TP63: variants seen among roughly 807,000 people sequenced by gnomAD.
TP63 encodes the protein tumor protein 63.
A neutral mutation model predicts 82.8 loss-of-function variants in TP63; 17 were observed. That is an observed-to-expected ratio of 0.21 (90% CI 0.14 to 0.31). The LOEUF is 0.31. Among genes scored for constraint, TP63 ranks in the 10% least tolerant of loss-of-function variants. TP63 has a pLI of 1.00. For synonymous variants in TP63, 330 were observed against 321.7 expected (o/e 1.03, Z -0.28); for missense variants, 648 against 895.3 (o/e 0.72, Z 3.52).
At chr3:189,610,776 G>A in the TP63 span, among the ~76,000 whole-genome samples, 1 of 152,084 alleles carries the variant, frequency 6.6e-6, no homozygotes, top group Non-Finnish European at 1.5e-5. Context: ...TTTTCATGCT[G>A]CTGATAAAGA....
chr3:189,806,774 G>A (rs1726961060), intron 3 of TP63, among the ~76,000 whole-genome samples: 1 of 152,144 alleles, frequency 6.6e-6, no homozygotes, highest in African/African-American at 2.4e-5. Flanking sequence ...TTCGGCAGTG[G>A]AATGCGAATG....
intron 3 of TP63, among the ~76,000 whole-genome samples, chr3:189,748,214 A>C (rs1029051937): frequency 6.6e-6 from 1 of 152,114 alleles, no homozygotes; most frequent in East Asian, 1.9e-4. Flanking sequence ...AGCAAGAGAA[A>C]GAAATAAAAG....
At chr3:189,869,139 T>C (rs144609374) in intron 8 of TP63, among the ~76,000 whole-genome samples, 185 bp from the exon 9 acceptor site, 9 of 152,326 alleles carry the variant, frequency 5.9e-5, no homozygotes, top group Non-Finnish European at 1.2e-4. Context: ...TAAAAACAAT[T>C]GTCCCCAGTT....
chr3:189,667,225 A>C (rs1160687423), intron 1 of TP63, among the ~76,000 whole-genome samples: 1 of 140,072 alleles, frequency 7.1e-6, no homozygotes. Context: ...AGGCGAGAGT[A>C]GTACAGTGGT....
chr3:189,760,540 T>C (rs1647723023), intron 3 of TP63, among the ~76,000 whole-genome samples: 1 of 152,236 alleles, frequency 6.6e-6, no homozygotes, highest in African/African-American at 2.4e-5. Flanking sequence ...TCACATGGCC[T>C]TGGGCAGCTC....
At chr3:189,833,935 A>G in intron 4 of TP63, among the ~76,000 whole-genome samples, 1 of 152,238 alleles carries the variant, frequency 6.6e-6, no homozygotes, top group East Asian at 1.9e-4. Flanking sequence ...TGAAAAGTGC[A>G]TAGGAAAGAA....
In TP63 at chr3:189,881,693, A is replaced by G. The variant is rs556406206; in HGVS notation, c.1350-4701A>G. Among the ~76,000 whole-genome samples, 25 of 152,284 alleles carry G rather than the reference A, an allele frequency of 1.6e-4. No individual in the cohort carries two copies. The East Asian group carries it at 3.3e-3, about 20-fold the overall frequency. On this transcript the variant is annotated intron_variant, in intron 10 of 13. Transcript: ENST00000264731. ...AAGATACTCTGTATCAAGGTCATCA[A>G]TCGTAACAAGGAACTAAAATGCCTA...
In TP63 at chr3:189,631,401, G is replaced by A. The variant is rs1401110360; in HGVS notation, c.-115G>A. On this transcript the variant is annotated 5_prime_UTR_variant, in exon 1 of 14. Coordinates refer to ENST00000264731, the MANE Select transcript of TP63 (RefSeq NM_003722.5). ...AGTGCCTAAACTTCTATGTCTGATA[G>A]CATTTGACCCTATTGCTTTTAGCCT... is the stretch of plus-strand genomic sequence containing the variant. The A allele has an allele frequency of 1.3e-6, 2 of 1,572,592 alleles. No individual in the cohort carries two copies. Among genetic ancestry groups the A allele is most frequent in the Non-Finnish European group, 8.6e-7 (1 of 1,160,928 alleles).
chr3:189,800,589 G>A (rs923998921), intron 3 of TP63, among the ~76,000 whole-genome samples: 5 of 151,966 alleles, frequency 3.3e-5, no homozygotes, highest in Non-Finnish European at 7.4e-5. Context: ...ACATGCAGTC[G>A]GAATGAAAGC....
intron 1 of TP63, among the ~76,000 whole-genome samples, chr3:189,681,526 G>A (rs1715901568): frequency 6.6e-6 from 1 of 152,096 alleles, no homozygotes; most frequent in African/African-American, 2.4e-5. Flanking sequence ...AATCCAACTA[G>A]CTAAAAGTGG....
chr3:189,886,309 T>G, intron 10 of TP63, 85 bp from the exon 11 acceptor site: 2 of 1,474,070 alleles, frequency 1.4e-6, no homozygotes, highest in Non-Finnish European at 1.9e-6. Context: ...TGAGGCCATG[T>G]TTTAAACAGA....
intron 1 of TP63, among the ~76,000 whole-genome samples, chr3:189,636,023 A>G (rs80245302): frequency 1.3e-5 from 2 of 152,270 alleles, no homozygotes; most frequent in Admixed American, 6.5e-5. Context: ...TACAGTCTGC[A>G]TATGTTGTTT....
intron 4 of TP63, among the ~76,000 whole-genome samples, chr3:189,817,919 T>C (rs1221447244): frequency 6.6e-6 from 1 of 151,828 alleles, no homozygotes; most frequent in East Asian, 1.9e-4. Context: ...ATTTACTCCA[T>C]TTAAAAAATG....
At chr3:189,669,217 A>T (rs944697075) in intron 1 of TP63, among the ~76,000 whole-genome samples, 2 of 151,950 alleles carry the variant, frequency 1.3e-5, no homozygotes, top group Admixed American at 6.6e-5. Flanking sequence ...TAGCAAAAGA[A>T]AAAAACAATA....
the TP63 span, among the ~76,000 whole-genome samples, chr3:189,602,964 T>G: frequency 6.6e-6 from 1 of 152,208 alleles, no homozygotes; most frequent in Non-Finnish European, 1.5e-5. Context: ...TTATAAACTT[T>G]TAGACTTATA....
At chr3:189,795,677 C>T (rs571637004) in intron 3 of TP63, among the ~76,000 whole-genome samples, 8 of 151,956 alleles carry the variant, frequency 5.3e-5, no homozygotes, top group African/African-American at 1.4e-4. Context: ...CAAAATGGAA[C>T]GCTTTTGTAG....
At chr3:189,611,804 G>C in the TP63 span, among the ~76,000 whole-genome samples, 1 of 151,984 alleles carries the variant, frequency 6.6e-6, no homozygotes, top group African/African-American at 2.4e-5. Flanking sequence ...TGATTTCTTT[G>C]AGCATTGTTT....
At chr3:189,751,671 G>GTT (rs553157112) in intron 3 of TP63, among the ~76,000 whole-genome samples, 1 of 152,062 alleles carries the variant, frequency 6.6e-6, no homozygotes, top group African/African-American at 2.4e-5. Context: ...GGGGTTGTTT[G>GTT]TTTTTTTCTT....
chr3:189,663,604 T>C (rs1254908813), intron 1 of TP63, among the ~76,000 whole-genome samples: 1 of 135,586 alleles, frequency 7.4e-6, no homozygotes, highest in Non-Finnish European at 1.5e-5. Flanking sequence ...CTCAGCTCAC[T>C]GCAACATCCA....
Sources: gnomAD v4.1 joint callset for allele counts (sites outside exome capture counted in the v4.1 genomes callset) on GRCh38, gnomAD v4.1.1 for gene constraint, MANE v1.5 for transcripts, NCBI Gene and HGNC (gene_info 2026-07-23, HGNC 2026-07-21) for gene names.